Variants in HEPH observed in about 807,000 individuals in gnomAD.
The protein encoded by HEPH is hephaestin.
In HEPH, 69 loss-of-function variants were observed where a neutral mutation model predicts 80.8. That is an observed-to-expected ratio of 0.85 (90% confidence interval 0.70 to 1.04). HEPH has a LOEUF of 1.04. Ranked by LOEUF, HEPH falls within the 50% of genes least tolerant of loss-of-function variation. The pLI, the probability that HEPH is intolerant of heterozygous loss-of-function variation, is 0.00. For missense variants in HEPH, 1,115 were observed against 891.3 expected, an observed-to-expected ratio of 1.25 and a Z score of -3.20; for synonymous variants, 431 against 322.8, an observed-to-expected ratio of 1.34 and a Z score of -3.60.
At position 66,220,009 on chromosome X, in the gene HEPH, C is replaced by T. The variant is rs962016251; in HGVS notation, c.2563+11763C>T. Among the ~76,000 whole-genome samples the T allele has an allele frequency of 5.4e-5, 6 of 111,641 alleles. No individual in the cohort carries two copies. The Admixed American group carries it at 5.7e-4, about 11-fold the overall frequency. Reference sequence around the variant, plus strand: ...CAGTTTTTGCCCGAGGCAGCTGAGTCTTCCCACAGGAAAGGTGAAGTCCTT... The same window carrying T: ...CAGTTTTTGCCCGAGGCAGCTGAGTTTTCCCACAGGAAAGGTGAAGTCCTT... On this transcript the variant is annotated intron_variant, in intron 15 of 20. Transcript: ENST00000343002.
At chrX:66,190,885 A>G (rs937140202) in intron 6 of HEPH, among the ~76,000 whole-genome samples, 4 of 111,471 alleles carry the variant, frequency 3.6e-5, no homozygotes, top group Admixed American at 2.8e-4. Flanking sequence ...GGGATTAGAG[A>G]TGCAGCATGA....
chrX:66,173,776 T>C lies in HEPH; in HGVS notation c.600T>C (p.Ile200=). 1 of 1,196,245 alleles carries C rather than the reference T, an allele frequency of 8.4e-7. No homozygotes were observed. The highest frequency in any genetic ancestry group is 1.1e-6 in the Non-Finnish European group (1 of 886,742). The change falls in exon 4 of 21, where the codon ATT becomes ATC. Residue 200 remains isoleucine, a synonymous_variant. Coordinates refer to ENST00000343002, the MANE Select transcript of HEPH (RefSeq NM_001367233.3). ...DAPRDIATGL[I]GPLITCKRGA... Reference sequence around the variant, plus strand: ...CACGAGACATTGCAACTGGCCTAATTGGGCCTCTCATCACCTGTAAAAGAG... The same window carrying C: ...CACGAGACATTGCAACTGGCCTAATCGGGCCTCTCATCACCTGTAAAAGAG...
At chrX:66,247,752 A>G (rs2090866170) in intron 15 of HEPH, among the ~76,000 whole-genome samples, 1 of 111,652 alleles carries the variant, frequency 9.0e-6, no homozygotes, top group South Asian at 3.7e-4. Flanking sequence ...TTTAAAGGGT[A>G]TTGAAAAATG....
chrX:66,170,475 G>C, intron 1 of HEPH, 83 bp from the exon 2 acceptor site: 2 of 882,919 alleles, frequency 2.3e-6, no homozygotes, highest in Non-Finnish European at 3.1e-6. Flanking sequence ...CCTGGCTCTT[G>C]CCTCTTCAGT....
chrX:66,235,653 G>A (rs1054087654), intron 15 of HEPH, among the ~76,000 whole-genome samples: 1 of 111,625 alleles, frequency 9.0e-6, no homozygotes, highest in Non-Finnish European at 1.9e-5. Flanking sequence ...CTCCAGCTTT[G>A]CTCTTTTTGC....
intron 15 of HEPH, among the ~76,000 whole-genome samples, chrX:66,228,216 G>A (rs950252964): frequency 2.7e-5 from 3 of 112,116 alleles, no homozygotes; most frequent in Non-Finnish European, 5.6e-5. Context: ...CAGTTATTGT[G>A]AGACTTATTT....
rs751459317 is a variant in HEPH, at chrX:66,217,831, AGGG to A, written c.2563+9589_2563+9591del. On this transcript the variant is annotated intron_variant, in intron 15 of 20. Coordinates refer to ENST00000343002, the MANE Select transcript of HEPH (RefSeq NM_001367233.3). ...AGGACTCACATAAACTTAAGGTAAAAGGGGGGAAAAAGATATTCCATGCAAAGG... is the reference window on the plus strand; with the variant it reads ...AGGACTCACATAAACTTAAGGTAAAAGGGAAAAAGATATTCCATGCAAAGG... 1.8e-3 allele frequency among the ~76,000 whole-genome samples: 201 copies of A among 111,906 alleles called. 1 individual carries two copies. The highest frequency in any genetic ancestry group is 6.3e-3 in the African/African-American group (193 of 30,842).
At chrX:66,259,628 T>C (rs1468043457) in intron 18 of HEPH, among the ~76,000 whole-genome samples, 1 of 111,523 alleles carries the variant, frequency 9.0e-6, no homozygotes, top group Non-Finnish European at 1.9e-5. Context: ...ATTCTTTTTC[T>C]TTGGGACATT....
chrX:66,261,177 G>A (rs1294795667), intron 19 of HEPH, among the ~76,000 whole-genome samples: 1 of 112,187 alleles, frequency 8.9e-6, no homozygotes, highest in Non-Finnish European at 1.9e-5. Flanking sequence ...GGGATTACAG[G>A]AATGGGCCAC....
rs146719428 is a variant in HEPH, at chrX:66,255,072, G to T, written c.2601G>T (p.Arg867Ser). 2 of 1,205,644 alleles carry T rather than the reference G, an allele frequency of 1.7e-6. No homozygotes were observed. The highest frequency in any genetic ancestry group is 2.2e-6 in the Non-Finnish European group (2 of 892,679). Residue 867 changes from arginine to serine, a missense_variant, in exon 16 of 21, where the codon AGG (arginine) becomes AGT (serine). Arg to Ser is a moderately radical substitution (Grantham distance 110). Transcript: ENST00000343002. ...CTTATCAGTGGAACATCCCAGAGAG[G>T]TCTGGCCCTGGGCCCAATGACTCTG... ...VVTYQWNIPE[R>S]SGPGPNDSAC... is the part of the protein sequence containing the mutation.
intron 15 of HEPH, among the ~76,000 whole-genome samples, chrX:66,247,690 G>T (rs754841633): frequency 1.8e-5 from 2 of 111,547 alleles, no homozygotes; most frequent in East Asian, 2.8e-4. Context: ...AAAGTAAAAA[G>T]GAGTTGTGGG....
At chrX:66,266,355 GT>G (rs762091505) in intron 20 of HEPH, 84 bp from the exon 21 acceptor site, 5 of 707,181 alleles carry the variant, frequency 7.1e-6, no homozygotes, top group Non-Finnish European at 1.1e-5. Flanking sequence ...GGATTGACTT[GT>G]TTTTTTCAGG....
chrX:66,220,495 C>T (rs1461055843), intron 15 of HEPH, among the ~76,000 whole-genome samples: 3 of 111,300 alleles, frequency 2.7e-5, no homozygotes, highest in African/African-American at 9.8e-5. Context: ...ACAGGAAGGG[C>T]CACTTTTCCT....
intron 15 of HEPH, among the ~76,000 whole-genome samples, chrX:66,220,776 C>A (rs2089610967): frequency 9.0e-6 from 1 of 110,917 alleles, no homozygotes; most frequent in Admixed American, 9.6e-5. Context: ...TTTATGAGCC[C>A]CCACCAGTCC....
At chrX:66,200,788 T>C in intron 12 of HEPH, 36 bp downstream of exon 12, 1 of 1,097,057 alleles carries the variant, frequency 9.1e-7, no homozygotes, top group Non-Finnish European at 1.3e-6. Context: ...GAGGCTTTGT[T>C]GGGTATAGGG....
intron 20 of HEPH, among the ~76,000 whole-genome samples, chrX:66,264,944 A>C (rs1042110963): frequency 2.8e-5 from 3 of 108,623 alleles, no homozygotes; most frequent in Non-Finnish European, 5.7e-5. Context: ...ACATATATAC[A>C]TTCCTCATAA....
intron 3 of HEPH, 150 bp from the exon 4 acceptor site, chrX:66,173,439 T>C (rs926007814): frequency 9.3e-6 from 4 of 430,210 alleles, no homozygotes; most frequent in African/African-American, 7.4e-5. Flanking sequence ...GTGCTCTCCT[T>C]AGGTTGTGAG....
At chrX:66,186,187 C>T (rs1389953826) in intron 4 of HEPH, among the ~76,000 whole-genome samples, 9 of 96,885 alleles carry the variant, frequency 9.3e-5, no homozygotes, top group African/African-American at 2.8e-4. Context: ...AGAGGTGGAG[C>T]CTACAGAGGC....
At position 66,207,228 on chromosome X, in the gene HEPH, G is replaced by A; in HGVS notation, c.2325G>A (p.Gly775=). The part of the protein sequence containing the change: ...YGYIFLSNKD[G]LLGSRYKKAV... Reference sequence around the variant, plus strand: ...ACATTTTCCTGAGCAACAAGGATGGGCTCCTGGGTTCCAGATACAAGAAAG... The same window carrying A: ...ACATTTTCCTGAGCAACAAGGATGGACTCCTGGGTTCCAGATACAAGAAAG... Residue 775 remains glycine, a synonymous_variant, in exon 14 of 21, where the codon GGG becomes GGA. Coordinates refer to ENST00000343002, the MANE Select transcript of HEPH (RefSeq NM_001367233.3). 2 of 1,206,572 alleles carry A rather than the reference G, an allele frequency of 1.7e-6. No individual in the cohort carries two copies. Among genetic ancestry groups the A allele is most frequent in the Non-Finnish European group, 2.2e-6 (2 of 892,472 alleles).
Sources: allele counts gnomAD v4.1 joint callset (sites outside exome capture counted in the v4.1 genomes callset), GRCh38; gene constraint gnomAD v4.1.1; transcripts MANE v1.5; gene names NCBI Gene and HGNC (gene_info 2026-07-23, HGNC 2026-07-21).